Variants in SLC27A1 observed in about 807,000 individuals in gnomAD.
SLC27A1 encodes solute carrier family 27 member 1.
SLC27A1 carries 61 observed loss-of-function variants against 62.2 expected under a neutral mutation model. That is an observed-to-expected ratio of 0.98 (90% CI 0.80 to 1.21). The LOEUF (loss-of-function observed/expected upper bound fraction) is 1.21. Ranked by LOEUF, SLC27A1 falls within the 50% of genes most tolerant of loss-of-function variation. The pLI is 0.00. For synonymous variants in SLC27A1, 435 were observed against 408.6 expected (o/e 1.06, Z -0.78); for missense variants, 903 against 932.1 (o/e 0.97, Z 0.41).
intron 1 of SLC27A1, among the ~76,000 whole-genome samples, chr19:17,485,235 G>A (rs1192899502): frequency 7.5e-6 from 1 of 132,668 alleles, no homozygotes; most frequent in Non-Finnish European, 1.6e-5. Flanking sequence ...TTTGGCCCAG[G>A]CTGGAGTGAA....
chr19:17,503,495 T>A (rs1018789373), intron 11 of SLC27A1: 7 of 152,156 alleles, frequency 4.6e-5, no homozygotes, highest in African/African-American at 1.4e-4. Flanking sequence ...AAGATCTTGC[T>A]GTTGTCCAGG....
Position 17,501,272 on chromosome 19 carries a change from G to A in SLC27A1, c.342+396G>A. ...GTCCTCAGCTGAGCCTCTGCCTCCA[G>A]GAGTGGAGGGTAAGGCAGGGATGGC... On this transcript the variant is annotated intron_variant, in intron 3 of 3. Coordinates refer to the SLC27A1 transcript ENST00000599965. 2 of 1,613,202 alleles carry A rather than the reference G, an allele frequency of 1.2e-6. No individual in the cohort carries two copies. Among genetic ancestry groups the A allele is most frequent in the Non-Finnish European group, 1.7e-6 (2 of 1,179,918 alleles).
intron 1 of SLC27A1, among the ~76,000 whole-genome samples, chr19:17,481,629 G>T (rs2075179400): frequency 6.6e-6 from 1 of 151,986 alleles, no homozygotes; most frequent in African/African-American, 2.4e-5. Context: ...TCAGCCTTCT[G>T]AGTAGTTGGG....
Position 17,501,257 on chromosome 19 carries a change from G to T in SLC27A1, c.1637-16G>T. The T allele has an allele frequency of 6.2e-7, 1 of 1,611,694 alleles. No individual in the cohort carries two copies. The highest frequency in any genetic ancestry group is 8.5e-7 in the Non-Finnish European group (1 of 1,179,474). ...GATGAGAGGCGGGGTGTCCTCAGCT[G>T]AGCCTCTGCCTCCAGGAGTGGAGGG... is the stretch of plus-strand genomic sequence containing the variant. On this transcript the variant is annotated splice_polypyrimidine_tract_variant and intron_variant, in intron 10 of 11. Coordinates refer to ENST00000252595, the MANE Select transcript of SLC27A1 (RefSeq NM_198580.3).
intron 4 of SLC27A1, among the ~76,000 whole-genome samples, chr19:17,488,185 C>G (rs541410536): frequency 6.6e-6 from 1 of 152,106 alleles, no homozygotes; most frequent in Non-Finnish European, 1.5e-5. Flanking sequence ...GTGGCGAAAC[C>G]CTGTCTCTAC....
intron 1 of SLC27A1, among the ~76,000 whole-genome samples, chr19:17,480,029 CA>C (rs538302546): frequency 6.6e-6 from 1 of 152,014 alleles, no homozygotes; most frequent in African/African-American, 2.4e-5. Flanking sequence ...TCTTTCGATA[CA>C]AAAAAATTTT....
intron 1 of SLC27A1, among the ~76,000 whole-genome samples, chr19:17,475,894 G>A (rs1288267169): frequency 6.6e-6 from 1 of 152,194 alleles, no homozygotes; most frequent in African/African-American, 2.4e-5. Context: ...GGGCTGCCTA[G>A]GCATGTGGCT....
In SLC27A1 at chr19:17,489,065, A is replaced by G; in HGVS notation, c.944A>G (p.Lys315Arg). 1 of 1,614,186 alleles carries G rather than the reference A, an allele frequency of 6.2e-7. No homozygotes were observed. The highest frequency in any genetic ancestry group is 8.5e-7 in the Non-Finnish European group (1 of 1,180,022). The change falls in exon 6 of 12, where the codon AAG (lysine) becomes AGG (arginine). Residue 315 changes from lysine (K) to arginine (R), a missense_variant. Lys to Arg is a conservative substitution (Grantham distance 26). Coordinates refer to ENST00000252595, the MANE Select transcript of SLC27A1 (RefSeq NM_198580.3). ...TATGGGCTGACAGTCGTCCTCCGCA[A>G]GAAATTCTCGGCCAGCCGCTTCTGG... is the stretch of plus-strand genomic sequence containing the variant. ...LIYGLTVVLRKKFSASRFWDD... is the reference protein window; with the variant it reads ...LIYGLTVVLRRKFSASRFWDD...
At chr19:17,498,831 C>T (rs1425720426) in intron 7 of SLC27A1, 1 of 156,370 alleles carries the variant, frequency 6.4e-6, no homozygotes, top group African/African-American at 2.4e-5. Context: ...CCTTCCCTGC[C>T]TGGCAGCCGA....
chr19:17,486,798 C>T lies in SLC27A1; in HGVS notation c.403C>T (p.Leu135=), dbSNP rs2075235811. The T allele has an allele frequency of 4.4e-6, 7 of 1,600,248 alleles. No homozygotes were observed. Among genetic ancestry groups the T allele is most frequent in the Non-Finnish European group, 6.0e-6 (7 of 1,174,604 alleles). ...GCCGGGCGACGTGGTGGCCATCTTC[C>T]TGGAGGGCCGGCCGGAGTTCGTGGG... ...FAPGDVVAIF[L]EGRPEFVGLW... is the part of the protein sequence containing the mutation. The change falls in exon 2 of 12, where the codon CTG becomes TTG. Residue 135 remains leucine, a synonymous_variant. Coordinates refer to ENST00000252595, the MANE Select transcript of SLC27A1 (RefSeq NM_198580.3). This position sits in a 1 kb window ranked among gnomAD's most constrained non-coding sequence, Gnocchi z 6.6.
chr19:17,480,650 T>C (rs1166039626), intron 1 of SLC27A1, among the ~76,000 whole-genome samples: 2 of 149,762 alleles, frequency 1.3e-5, no homozygotes, highest in East Asian at 3.9e-4. Flanking sequence ...AGTCCTAGCA[T>C]TATAGGCGTG....
chr19:17,500,190 C>A, intron 7 of SLC27A1, 88 bp from the exon 8 acceptor site: 1 of 1,555,050 alleles, frequency 6.4e-7, no homozygotes, highest in South Asian at 1.2e-5. Context: ...GGTGCTAGGT[C>A]CAAGCCCCAG....
chr19:17,497,586 G>A (rs2075364454), intron 7 of SLC27A1, 122 bp downstream of exon 7: 3 of 885,162 alleles, frequency 3.4e-6, no homozygotes, highest in South Asian at 1.4e-5. Flanking sequence ...CCGCCAAGGC[G>A]CACGCAGGGC....
chr19:17,470,825 G>C, intron 1 of SLC27A1, 118 bp downstream of exon 1: 1 of 409,336 alleles, frequency 2.4e-6, no homozygotes, highest in Non-Finnish European at 3.5e-6. Context: ...AGGGTGCTTT[G>C]TAGGTTGGGG....
At position 17,487,179 on chromosome 19, in the gene SLC27A1, G is replaced by A. The variant is rs2075243077; in HGVS notation, c.568G>A (p.Ala190Thr). ...CCATGTGTTGGGGACCACAGCGGTGGCCGAAGTGAGCGGGCATCTGGGGAA... is the reference window on the plus strand; with the variant it reads ...CCATGTGTTGGGGACCACAGCGGTGACCGAAGTGAGCGGGCATCTGGGGAA... ...IFGGEMVAAV[A>T]EVSGHLGKSL... Residue 190 changes from alanine (A) to threonine (T), a missense_variant, in exon 3 of 12, where the codon GCC becomes ACC. Physicochemically the swap from Ala to Thr is moderately conservative, Grantham distance 58. Coordinates refer to ENST00000252595, the MANE Select transcript of SLC27A1 (RefSeq NM_198580.3). 1 of 1,614,072 alleles carries A rather than the reference G, an allele frequency of 6.2e-7. No homozygotes were observed. Among genetic ancestry groups the A allele is most frequent in the Non-Finnish European group, 8.5e-7 (1 of 1,179,990 alleles).
At chr19:17,470,309 T>G (rs954674234), upstream of SLC27A1, 3 of 495,956 alleles carry the variant, frequency 6.0e-6, no homozygotes, top group African/African-American at 4.1e-5. Context: ...GGTTCCTAGT[T>G]AGCGGGCGGG....
chr19:17,501,205 A>T, intron 10 of SLC27A1, 68 bp from the exon 11 acceptor site: 1 of 1,578,138 alleles, frequency 6.3e-7, no homozygotes, highest in Non-Finnish European at 8.6e-7. Flanking sequence ...ACTGCTTGAC[A>T]GTGTATCTGG....
chr19:17,502,117 AAATAAT>A lies in SLC27A1; in HGVS notation c.1783+708_1783+713del, dbSNP rs531035050. ...GGTGACAGAGTGAGACAATGTCTCA[AAATAAT>A]AATAATAATTTCAACATGATTTTTG... On this transcript the variant is annotated intron_variant, in intron 11 of 11. Coordinates refer to ENST00000252595, the MANE Select transcript of SLC27A1 (RefSeq NM_198580.3). Among the ~76,000 whole-genome samples the A allele has an allele frequency of 3.7e-4, 56 of 151,726 alleles. 1 individual carries two copies. In the South Asian group the frequency reaches 0.011, roughly 31 times the overall value.
Position 17,500,758 on chromosome 19 carries a change from C to T in SLC27A1, c.1518C>T (p.Asp506=), listed in dbSNP as rs1438819231. 4 of 1,613,758 alleles carry T rather than the reference C, an allele frequency of 2.5e-6. No homozygotes were observed. Among genetic ancestry groups the T allele is most frequent in the Non-Finnish European group, 3.4e-6 (4 of 1,179,988 alleles). ...AGCTGGGCTACATGTACTTCCGGGA[C>T]CGTAGCGGGGACACCTTCCGCTGGC... ...MDELGYMYFR[D]RSGDTFRWRG... The change falls in exon 10 of 12, where the codon GAC becomes GAT. Residue 506 remains aspartate (D), a synonymous_variant. Coordinates refer to ENST00000252595, the MANE Select transcript of SLC27A1 (RefSeq NM_198580.3).
Sources: gnomAD v4.1 joint callset for allele counts (sites outside exome capture counted in the v4.1 genomes callset) on GRCh38, gnomAD v4.1.1 for gene constraint, Gnocchi (gnomAD v3.1) non-coding constraint, MANE v1.5 for transcripts, NCBI Gene and HGNC (gene_info 2026-07-23, HGNC 2026-07-21) for gene names.